The following EVC variants were observed in gnomAD, a reference collection of about 807,000 sequenced individuals.
EVC encodes EvC ciliary complex subunit 1.
Under a neutral mutation model 118.9 loss-of-function variants are expected in EVC, and 116 were observed. The ratio of observed to expected loss-of-function variants is 0.98; its 90% confidence interval spans 0.84 to 1.14. The LOEUF (loss-of-function observed/expected upper bound fraction) is 1.14, where lower values mean the gene tolerates loss of function less well. Among genes scored for constraint, EVC ranks in the 50% most tolerant of loss-of-function variants. The probability of loss-of-function intolerance (pLI) is 0.00; values close to 1 mark genes in which losing one functional copy is unlikely to be tolerated. For missense variants in EVC, 1,401 were observed against 1,246.4 expected (o/e 1.12, Z -1.87); for synonymous variants, 619 against 534.7 (o/e 1.16, Z -2.18).
downstream of EVC, among the ~76,000 whole-genome samples, chr4:5,816,021 C>G (rs895401090): frequency 6.6e-6 from 1 of 152,138 alleles, no homozygotes; most frequent in African/African-American, 2.4e-5. Context: ...TATTTTCCCC[C>G]CATGGCTTAT....
chr4:5,748,756 T>G, intron 8 of EVC, among the ~76,000 whole-genome samples: 1 of 39,502 alleles, frequency 2.5e-5, no homozygotes, highest in South Asian at 9.6e-4. Flanking sequence ...ATCCATCCAT[T>G]TACTCATCCA....
intron 15 of EVC, 126 bp from the exon 16 acceptor site, chr4:5,801,824 C>T (rs997762584): frequency 1.9e-6 from 2 of 1,061,534 alleles, no homozygotes; most frequent in African/African-American, 3.2e-5. Context: ...TGCTTCCTGA[C>T]CAATCCAGGT....
chr4:5,762,555 C>T (rs1732238580), intron 11 of EVC, among the ~76,000 whole-genome samples: 2 of 146,034 alleles, frequency 1.4e-5, no homozygotes, highest in Non-Finnish European at 3.0e-5. Flanking sequence ...ACATCCTCTC[C>T]AGCACCTGTT....
Position 5,731,762 on chromosome 4 carries a change from G to T in EVC, c.617+105G>T. On this transcript the variant is annotated intron_variant, in intron 4 of 20. Coordinates refer to ENST00000264956, the MANE Select transcript of EVC (RefSeq NM_153717.3). This position sits in a 1 kb window ranked among gnomAD's most constrained non-coding sequence, Gnocchi z 5.6. ...AAACAGAGGCCCAGAGAGGTTCAGT[G>T]ACTCTGCCAGGGACACACAGCGACC... is the stretch of plus-strand genomic sequence containing the variant. 2.6e-6 allele frequency: 3 copies of T among 1,161,536 alleles called. No individual in the cohort carries two copies. In the South Asian group the frequency reaches 3.9e-5, roughly 15 times the overall value. The allele number at this position is 1,161,536 out of a possible 1,614,324, so 72.0% of individuals were successfully genotyped here.
At chr4:5,730,877 A>G (rs1726694841) in intron 3 of EVC, among the ~76,000 whole-genome samples, 1 of 151,660 alleles carries the variant, frequency 6.6e-6, no homozygotes, top group Admixed American at 6.6e-5. Flanking sequence ...CCCTCTAGCC[A>G]TGCCAGGCCC....
chr4:5,739,899 C>CAAAAAA (rs11343689), intron 5 of EVC, among the ~76,000 whole-genome samples: 1 of 120,574 alleles, frequency 8.3e-6, no homozygotes, highest in Non-Finnish European at 1.7e-5. Context: ...AACCCCATCT[C>CAAAAAA]AAAAAAAAAA....
intron 2 of EVC, among the ~76,000 whole-genome samples, chr4:5,722,081 C>T (rs1348873388): frequency 1.3e-5 from 2 of 152,176 alleles, no homozygotes; most frequent in African/African-American, 4.8e-5. Flanking sequence ...CCCAGCTCTG[C>T]CACATGTTTG....
chr4:5,828,294 T>A, the EVC span: 1 of 985,048 alleles, frequency 1.0e-6, no homozygotes, highest in Non-Finnish European at 1.2e-6. Flanking sequence ...GGAACTTGCA[T>A]GTCCTCATTT....
chr4:5,717,602 A>C (rs1724194382), intron 1 of EVC, among the ~76,000 whole-genome samples: 1 of 152,182 alleles, frequency 6.6e-6, no homozygotes. Flanking sequence ...CTCTGGCTTC[A>C]TCATCCACCC....
downstream of EVC, among the ~76,000 whole-genome samples, chr4:5,816,592 C>T (rs962593354): frequency 3.3e-5 from 5 of 150,922 alleles, no homozygotes; most frequent in African/African-American, 4.9e-5. Context: ...CCCTCCCTCC[C>T]TTCTTTCCTT....
At chr4:5,761,880 G>C (rs1261462128) in intron 11 of EVC, among the ~76,000 whole-genome samples, 2 of 151,598 alleles carry the variant, frequency 1.3e-5, no homozygotes, top group Non-Finnish European at 2.9e-5. Context: ...AGCCCCAACT[G>C]TTAATCAGTT....
At chr4:5,796,941 G>T in intron 13 of EVC, 81 bp from the exon 14 acceptor site, 1 of 1,051,914 alleles carries the variant, frequency 9.5e-7, no homozygotes, top group Non-Finnish European at 1.5e-6. Flanking sequence ...CCTCTTGTGG[G>T]CTGTGGCTGT....
At chr4:5,817,276 C>T (rs140662113), downstream of EVC, among the ~76,000 whole-genome samples, 1 of 152,322 alleles carries the variant, frequency 6.6e-6, no homozygotes, top group East Asian at 1.9e-4. Context: ...GGCTCTTGTC[C>T]ATTGCAAGCT....
At position 5,749,545 on chromosome 4, in the gene EVC, A is replaced by G. The variant is rs1483366837; in HGVS notation, c.1098+1239A>G. ...TCTCTGCGCGTCTGTTCCTCTATTT[A>G]TAAAATAATAGTGCTAAGAGTTGCC... is the stretch of plus-strand genomic sequence containing the variant. On this transcript the variant is annotated intron_variant, in intron 8 of 20. Transcript: ENST00000264956. This position sits in a 1 kb window ranked among gnomAD's most constrained non-coding sequence, Gnocchi z 4.4. Among the ~76,000 whole-genome samples, 1 of 152,080 alleles carries G rather than the reference A, an allele frequency of 6.6e-6. No individual in the cohort carries two copies. The highest frequency in any genetic ancestry group is 1.5e-5 in the Non-Finnish European group (1 of 68,022).
At chr4:5,801,486 C>T (rs1714963346) in intron 15 of EVC, among the ~76,000 whole-genome samples, 1 of 152,112 alleles carries the variant, frequency 6.6e-6, no homozygotes, top group Non-Finnish European at 1.5e-5. Flanking sequence ...TGAGACCAGC[C>T]TGGCCAACAT....
intron 11 of EVC, among the ~76,000 whole-genome samples, chr4:5,757,346 G>A (rs1731322883): frequency 6.6e-6 from 1 of 152,198 alleles, no homozygotes; most frequent in Admixed American, 6.5e-5. Flanking sequence ...TGGACAAGGA[G>A]TCAGCGGGCA....
In EVC at chr4:5,809,233, G is replaced by C. The variant is rs144640786; in HGVS notation, c.2689-285G>C. On this transcript the variant is annotated intron_variant, in intron 18 of 20. Coordinates refer to ENST00000264956, the MANE Select transcript of EVC (RefSeq NM_153717.3). ...AGTCCCATCCTATTCTGCTGCACCT[G>C]CTCCGGGCAGGTCACTGAGGCCCTC... 5.3e-3 allele frequency among the ~76,000 whole-genome samples: 809 copies of C among 152,316 alleles called. 9 individuals are homozygous for C. Among genetic ancestry groups the C allele is most frequent in the African/African-American group, 0.018 (743 of 41,562 alleles).
rs1728959976 is a variant in EVC, at chr4:5,743,745, C to G, written c.802-1459C>G. Among the ~76,000 whole-genome samples the G allele has an allele frequency of 6.6e-6, 1 of 152,306 alleles. No individual in the cohort carries two copies. The highest frequency in any genetic ancestry group is 2.1e-4 in the South Asian group (1 of 4,826). ...TCAGTATCACCACCATGGTCATGGT[C>G]CTCAGGCAGTGCACGTCGTGCTTGA... is the stretch of plus-strand genomic sequence containing the variant. On this transcript the variant is annotated intron_variant, in intron 6 of 20. Transcript: ENST00000264956. The surrounding 1 kb of genome is among the most constrained non-coding windows in gnomAD (Gnocchi z 4.7).
rs548799282 is a variant in EVC at position 5,749,622 on chromosome 4, T to C, written c.1098+1316T>C. Among the ~76,000 whole-genome samples the C allele has an allele frequency of 3.3e-5, 5 of 152,298 alleles. No individual in the cohort carries two copies. Among genetic ancestry groups the C allele is most frequent in the South Asian group, 2.1e-4 (1 of 4,826 alleles). On this transcript the variant is annotated intron_variant, in intron 8 of 20. Transcript: ENST00000264956. This position sits in a 1 kb window ranked among gnomAD's most constrained non-coding sequence, Gnocchi z 4.4. ...GTGACTCCTAACACCCCAGTCACCA[T>C]TGGGTTCCTCTTGGTACACATTGGG...
Sources: allele counts gnomAD v4.1 joint callset (sites outside exome capture counted in the v4.1 genomes callset), GRCh38; gene constraint gnomAD v4.1.1; non-coding constraint Gnocchi (gnomAD v3.1); transcripts MANE v1.5; gene names NCBI Gene and HGNC (gene_info 2026-07-23, HGNC 2026-07-21).